SNX31: variants seen among roughly 807,000 people sequenced by gnomAD.
The protein encoded by SNX31 is sorting nexin 31.
Under a neutral mutation model 65.4 loss-of-function variants are expected in SNX31, and 58 were observed. The ratio of observed to expected loss-of-function variants is 0.89; its 90% CI spans 0.72 to 1.10. SNX31 has a LOEUF of 1.10. Ranked by LOEUF, SNX31 falls within the 50% of genes least tolerant of loss-of-function variation. SNX31 has a pLI of 0.00. For synonymous variants in SNX31, 181 were observed against 190.1 expected, an observed-to-expected ratio of 0.95 and a Z score of 0.39; for missense variants, 523 against 529.7, an observed-to-expected ratio of 0.99 and a Z score of 0.12.
rs181475253 is a variant in SNX31, at chr8:100,644,778, C to G, written c.141+4496G>C. On this transcript the variant is annotated intron_variant, in intron 2 of 13. Transcript: ENST00000311812. ...CTCCTGGGTTCAAGCAATTCTCGTG[C>G]CTCATTCTCCCAAGTAGCTGGGATT... Among the ~76,000 whole-genome samples the G allele has an allele frequency of 2.0e-5, 3 of 152,388 alleles. No homozygotes were observed. In the East Asian group the frequency reaches 5.8e-4, roughly 29 times the overall value.
At position 100,588,460 on chromosome 8, in the gene SNX31, A is replaced by T. The variant is rs1341467864; in HGVS notation, c.1092+406T>A. On this transcript the variant is annotated intron_variant, in intron 11 of 13. Transcript: ENST00000311812. This position sits in a 1 kb window ranked among gnomAD's most constrained non-coding sequence, Gnocchi z 4.8. ...GGCCAGACCACCATCTGTTTCTATA[A>T]ATAAAGTTTTATTGGAACATAGCCA... 6.6e-6 allele frequency among the ~76,000 whole-genome samples: 1 copy of T among 152,230 alleles called. No homozygotes were observed. Among genetic ancestry groups the T allele is most frequent in the Non-Finnish European group, 1.5e-5 (1 of 68,038 alleles).
intron 3 of SNX31, 80 bp downstream of exon 3, chr8:100,635,817 A>C: frequency 2.3e-6 from 2 of 875,486 alleles, no homozygotes; most frequent in Non-Finnish European, 3.7e-6. Flanking sequence ...AAAGAATTGT[A>C]CACTTTAGCA....
At chr8:100,623,910 C>T (rs6993829) in intron 4 of SNX31, among the ~76,000 whole-genome samples, 1 of 150,230 alleles carries the variant, frequency 6.7e-6, no homozygotes, top group Admixed American at 6.7e-5. Context: ...GTCTTCAGGG[C>T]TGCTATAGGT....
chr8:100,618,433 C>A (rs1314744473), intron 4 of SNX31: 2 of 888,126 alleles, frequency 2.3e-6, no homozygotes, highest in Non-Finnish European at 3.5e-6. Context: ...ATGTAGCAAC[C>A]AATTCTCCAG....
rs1473158458 is a variant in SNX31, at chr8:100,612,050, A to T, written c.561T>A (p.Val187=). The T allele has an allele frequency of 1.9e-6, 3 of 1,614,186 alleles. No homozygotes were observed. The highest frequency in any genetic ancestry group is 3.3e-5 in the Admixed American group (2 of 60,010). Residue 187 remains valine, a synonymous_variant, in exon 7 of 14, where the codon GTT becomes GTA. Transcript: ENST00000311812. This position sits in a 1 kb window ranked among gnomAD's most constrained non-coding sequence, Gnocchi z 4.3. ...TTTCCACCTCAGAACTTCCAAGACT[A>T]ACATAAGGGAGTTCAAAGTCAGCCA... ...KKLADFELPY[V]SLGSSEVENC...
Position 100,612,265 on chromosome 8 carries a change from A to G in SNX31, c.524-178T>C, listed in dbSNP as rs1450891505. 6.6e-6 allele frequency among the ~76,000 whole-genome samples: 1 copy of G among 152,078 alleles called. No homozygotes were observed. Among genetic ancestry groups the G allele is most frequent in the Non-Finnish European group, 1.5e-5 (1 of 68,012 alleles). On this transcript the variant is annotated intron_variant, in intron 6 of 13. Transcript: ENST00000311812. This position sits in a 1 kb window ranked among gnomAD's most constrained non-coding sequence, Gnocchi z 4.3. ...GAAGTTCATTCAAAAAATAAATATCATTTGATCCTCAAAAAAAAACAGCCC... is the reference window on the plus strand; with the variant it reads ...GAAGTTCATTCAAAAAATAAATATCGTTTGATCCTCAAAAAAAAACAGCCC...
At chr8:100,611,932 C>T in intron 7 of SNX31, 68 bp downstream of exon 7, 1 of 1,208,662 alleles carries the variant, frequency 8.3e-7, no homozygotes, top group Non-Finnish European at 1.2e-6. Flanking sequence ...TGACGGGACT[C>T]TGGTAAGTCC....
At position 100,625,088 on chromosome 8, in the gene SNX31, G is replaced by A. The variant is rs1029968493; in HGVS notation, c.321+5239C>T. On this transcript the variant is annotated intron_variant, in intron 4 of 13. Coordinates refer to ENST00000311812, the MANE Select transcript of SNX31 (RefSeq NM_152628.4). This position sits in a 1 kb window ranked among gnomAD's most constrained non-coding sequence, Gnocchi z 4.2. ...AGCCCCCCAAAGTTCTGGGATTACA[G>A]GTGTGAGCCACCACGTTTGGCCCAG... Among the ~76,000 whole-genome samples the A allele has an allele frequency of 5.3e-5, 8 of 152,252 alleles. No homozygotes were observed. The Middle Eastern group carries it at 0.024, about 453-fold the overall frequency.
chr8:100,650,316 T>C (rs749996292), upstream of SNX31, among the ~76,000 whole-genome samples: 1 of 152,194 alleles, frequency 6.6e-6, no homozygotes, highest in Non-Finnish European at 1.5e-5. Flanking sequence ...GCCTGTTCTG[T>C]AGCAAGCCTG....
intron 2 of SNX31, among the ~76,000 whole-genome samples, chr8:100,644,026 A>G (rs184745448): frequency 6.6e-6 from 1 of 152,250 alleles, no homozygotes; most frequent in East Asian, 1.9e-4. Flanking sequence ...GTAGACTAAA[A>G]CCAGGAGTCA....
intron 13 of SNX31, among the ~76,000 whole-genome samples, chr8:100,574,715 C>G (rs1462721360): frequency 6.6e-6 from 1 of 151,760 alleles, no homozygotes; most frequent in Non-Finnish European, 1.5e-5. Context: ...TGGTGGATCA[C>G]TTGAGGCCAG....
At chr8:100,599,030 G>A (rs1169557779) in intron 9 of SNX31, among the ~76,000 whole-genome samples, 1 of 152,202 alleles carries the variant, frequency 6.6e-6, no homozygotes, top group Non-Finnish European at 1.5e-5. Context: ...TTGTTAATGT[G>A]TTTGCTCCAT....
chr8:100,582,013 A>G (rs1476355286), intron 12 of SNX31, among the ~76,000 whole-genome samples: 2 of 152,202 alleles, frequency 1.3e-5, no homozygotes, highest in African/African-American at 2.4e-5. Context: ...TGAACTTTTC[A>G]TTCCAAGAGC....
chr8:100,621,979 A>G (rs974589417), intron 4 of SNX31, among the ~76,000 whole-genome samples: 1 of 152,258 alleles, frequency 6.6e-6, no homozygotes, highest in African/African-American at 2.4e-5. Context: ...CAATGTAGAG[A>G]AGAGCAGGGT....
chr8:100,618,068 C>T, intron 4 of SNX31: 6 of 985,334 alleles, frequency 6.1e-6, no homozygotes, highest in Non-Finnish European at 7.2e-6. Context: ...GCCCGGCCTC[C>T]ACACCATTTT....
chr8:100,580,162 A>G (rs1324050679), intron 12 of SNX31, among the ~76,000 whole-genome samples: 1 of 151,648 alleles, frequency 6.6e-6, no homozygotes, highest in African/African-American at 2.4e-5. Flanking sequence ...TCTTTAAAAA[A>G]AAAAAAAAAA....
chr8:100,634,133 C>T (rs541656625), intron 3 of SNX31, among the ~76,000 whole-genome samples: 5 of 152,316 alleles, frequency 3.3e-5, no homozygotes, highest in African/African-American at 1.2e-4. Context: ...TTCCCCTCAA[C>T]ATCCTCTTTT....
chr8:100,607,082 C>T (rs958631160), intron 8 of SNX31, among the ~76,000 whole-genome samples: 2 of 152,050 alleles, frequency 1.3e-5, no homozygotes, highest in African/African-American at 2.4e-5. Context: ...AGAAATGCTA[C>T]GGAGGAAAAA....
intron 8 of SNX31, 62 bp from the exon 9 acceptor site, chr8:100,600,503 A>G: frequency 7.2e-7 from 1 of 1,387,602 alleles, no homozygotes; most frequent in South Asian, 1.2e-5. Flanking sequence ...TCTGACAAAA[A>G]CATACTCTTG....
Sources: gnomAD v4.1 joint callset for allele counts (sites outside exome capture counted in the v4.1 genomes callset) on GRCh38, gnomAD v4.1.1 for gene constraint, Gnocchi (gnomAD v3.1) non-coding constraint, MANE v1.5 for transcripts, NCBI Gene and HGNC (gene_info 2026-07-23, HGNC 2026-07-21) for gene names.